Variants in ARG2 observed in about 807,000 individuals in gnomAD.
The protein encoded by ARG2 is arginase 2.
In ARG2, 21 loss-of-function variants were observed where a neutral mutation model predicts 39.4. The observed-to-expected ratio is 0.53, with a 90% CI of 0.38 to 0.77. The LOEUF is 0.77. Among genes scored for constraint, ARG2 ranks in the 30% least tolerant of loss-of-function variants. The pLI is 0.00. For synonymous variants in ARG2, 150 were observed against 156.7 expected (o/e 0.96, Z 0.32); for missense variants, 378 against 426.2 (o/e 0.89, Z 1.00).
At chr14:67,635,150 G>A (rs944888700) in intron 2 of ARG2, among the ~76,000 whole-genome samples, 5 of 152,112 alleles carry the variant, frequency 3.3e-5, no homozygotes, top group Non-Finnish European at 5.9e-5. Context: ...AGGCTGATAT[G>A]TGAGAATTGC....
At chr14:67,635,785 G>C (rs1277367199) in intron 2 of ARG2, among the ~76,000 whole-genome samples, 4 of 152,196 alleles carry the variant, frequency 2.6e-5, no homozygotes, top group African/African-American at 9.7e-5. Flanking sequence ...CCGGTGGGTG[G>C]AGGTTGCAGT....
At chr14:67,642,133 A>G in intron 2 of ARG2, 53 bp from the exon 3 acceptor site, 2 of 1,557,574 alleles carry the variant, frequency 1.3e-6, no homozygotes, top group Non-Finnish European at 8.8e-7. Context: ...AGGCTAGTTA[A>G]GAGTTGGAGA....
chr14:67,620,816 C>G (rs973982372), intron 1 of ARG2, 78 bp from the exon 2 acceptor site: 1 of 1,451,266 alleles, frequency 6.9e-7, no homozygotes, highest in East Asian at 2.3e-5. Flanking sequence ...GAGGAACCTG[C>G]TGGGAACTAA....
chr14:67,643,146 A>C (rs886154579), intron 3 of ARG2, among the ~76,000 whole-genome samples: 1 of 152,200 alleles, frequency 6.6e-6, no homozygotes, highest in East Asian at 1.9e-4. Context: ...CTAGTGACTC[A>C]TGCAATCAGT....
intron 2 of ARG2, among the ~76,000 whole-genome samples, chr14:67,632,504 T>C (rs575065941): frequency 2.8e-4 from 43 of 152,274 alleles, no homozygotes; most frequent in African/African-American, 9.1e-4. Context: ...TTCTCATATC[T>C]TAACACAGGA....
chr14:67,620,192 G>A, intron 1 of ARG2, 104 bp downstream of exon 1: 1 of 788,968 alleles, frequency 1.3e-6, no homozygotes, highest in Middle Eastern at 3.3e-4. Flanking sequence ...GAGAGGATGG[G>A]GAGAAATGGC....
chr14:67,651,584 G>GT lies in ARG2; in HGVS notation c.*665dup. ...GACCACGGCTGGATACTCTGAGGCTGTATGTTTGATCACACAGCCACTTAG... is the reference window on the plus strand; with the variant it reads ...GACCACGGCTGGATACTCTGAGGCTGTTATGTTTGATCACACAGCCACTTAG... On this transcript the variant is annotated 3_prime_UTR_variant, in exon 8 of 8. Transcript: ENST00000261783. The GT allele has an allele frequency of 7.6e-7, 1 of 1,322,822 alleles. No homozygotes were observed. The allele number at this position is 1,322,822 out of a possible 1,614,324, so 81.9% of individuals were successfully genotyped here.
At chr14:67,641,044 C>T (rs1001703866) in intron 2 of ARG2, among the ~76,000 whole-genome samples, 1 of 152,130 alleles carries the variant, frequency 6.6e-6, no homozygotes, top group Non-Finnish European at 1.5e-5. Flanking sequence ...AAAATAACTG[C>T]CTATCAGTAG....
rs576264597 is a variant in ARG2 at position 67,638,880 on chromosome 14, C to T, written c.185-3306C>T. The stretch of plus-strand genomic sequence containing the variant: ...TGTTAAGCAGTAGTCCTTCCAGTGT[C>T]CACTGTCTAGAAGCTTTTGCCCATA... On this transcript the variant is annotated intron_variant, in intron 2 of 7. Transcript: ENST00000261783. 7.2e-4 allele frequency among the ~76,000 whole-genome samples: 110 copies of T among 152,330 alleles called. No individual in the cohort carries two copies. The Middle Eastern group carries it at 0.01, about 14-fold the overall frequency.
chr14:67,646,829 G>T, intron 5 of ARG2, 91 bp downstream of exon 5: 5 of 1,408,004 alleles, frequency 3.6e-6, no homozygotes, highest in East Asian at 2.3e-5. Context: ...TCTATTGCAG[G>T]TCACTACAAC....
At chr14:67,627,041 T>G (rs1307552375) in intron 2 of ARG2, among the ~76,000 whole-genome samples, 1 of 152,044 alleles carries the variant, frequency 6.6e-6, no homozygotes, top group African/African-American at 2.4e-5. Flanking sequence ...AGAAAGGAGA[T>G]TAGTGGTTCC....
At chr14:67,634,336 T>G (rs1382574832) in intron 2 of ARG2, among the ~76,000 whole-genome samples, 1 of 150,774 alleles carries the variant, frequency 6.6e-6, no homozygotes, top group African/African-American at 2.4e-5. Context: ...CTCACACCTG[T>G]AACCCCAGCA....
At chr14:67,642,788 A>ACTTTTT (rs2037048886) in intron 3 of ARG2, among the ~76,000 whole-genome samples, 1 of 33,734 alleles carries the variant, frequency 3.0e-5, no homozygotes, top group Non-Finnish European at 6.7e-5. Context: ...ATGTTACTAC[A>ACTTTTT]TTTTCTTTTT....
At chr14:67,634,155 C>T (rs1225149203) in intron 2 of ARG2, among the ~76,000 whole-genome samples, 1 of 152,180 alleles carries the variant, frequency 6.6e-6, no homozygotes, top group Non-Finnish European at 1.5e-5. Flanking sequence ...ATTCACATCA[C>T]AACCCTTGAT....
chr14:67,620,739 G>A (rs1279316826), intron 1 of ARG2, among the ~76,000 whole-genome samples, 155 bp from the exon 2 acceptor site: 1 of 152,158 alleles, frequency 6.6e-6, no homozygotes, highest in Non-Finnish European at 1.5e-5. Flanking sequence ...GGCAGCTGAT[G>A]TGATTCCAAC....
rs1012617240 is a variant in ARG2, at chr14:67,650,852, G to T, written c.997G>T (p.Val333Phe). ...FGQTREGGHI[V>F]YDQLPTPSSP... ...TCAGACAAGAGAAGGAGGGCATATT[G>T]TCTATGACCAACTTCCTACTCCCAG... Residue 333 changes from valine (V) to phenylalanine (F), a missense_variant, in exon 8 of 8, where the codon GTC becomes TTC. Physicochemically the swap from Val to Phe is conservative, Grantham distance 50 (BLOSUM62 -1). Coordinates refer to ENST00000261783, the MANE Select transcript of ARG2 (RefSeq NM_001172.4). 5 of 1,614,204 alleles carry T rather than the reference G, an allele frequency of 3.1e-6. No homozygotes were observed. Among genetic ancestry groups the T allele is most frequent in the Non-Finnish European group, 4.2e-6 (5 of 1,180,028 alleles).
intron 2 of ARG2, among the ~76,000 whole-genome samples, chr14:67,630,847 T>C (rs1393988060): frequency 6.6e-6 from 1 of 152,216 alleles, no homozygotes; most frequent in Non-Finnish European, 1.5e-5. Context: ...CCTCCCAAAG[T>C]GCTGGGATTA....
At chr14:67,622,782 C>T (rs891470994) in intron 2 of ARG2, among the ~76,000 whole-genome samples, 13 of 152,212 alleles carry the variant, frequency 8.5e-5, no homozygotes, top group African/African-American at 1.9e-4. Flanking sequence ...ATTGCTCTAC[C>T]GTCTGTAGGT....
intron 2 of ARG2, among the ~76,000 whole-genome samples, chr14:67,627,621 C>T (rs1050480697): frequency 2.0e-5 from 3 of 152,132 alleles, no homozygotes; most frequent in African/African-American, 7.2e-5. Flanking sequence ...AACCTTCTGC[C>T]TCTGCCATTC....
Sources: gnomAD v4.1 joint callset for allele counts (sites outside exome capture counted in the v4.1 genomes callset) on GRCh38, gnomAD v4.1.1 for gene constraint, MANE v1.5 for transcripts, NCBI Gene and HGNC (gene_info 2026-07-23, HGNC 2026-07-21) for gene names.